The following ASXL1 variants were observed in gnomAD, a reference collection of about 807,000 sequenced individuals.
ASXL1 encodes the protein ASXL transcriptional regulator 1.
In ASXL1, 65 loss-of-function variants were observed where a neutral mutation model predicts 89.1. The ratio of observed to expected loss-of-function variants is 0.73; its 90% CI spans 0.60 to 0.90. The LOEUF (loss-of-function observed/expected upper bound fraction) is 0.90, where lower values mean the gene tolerates loss of function less well. Ranked by LOEUF, ASXL1 falls within the 40% of genes least tolerant of loss-of-function variation. ASXL1 has a pLI of 0.00. For synonymous variants in ASXL1, 739 were observed against 746.9 expected, an observed-to-expected ratio of 0.99 and a Z score of 0.17; for missense variants, 1,786 against 1,942.9, an observed-to-expected ratio of 0.92 and a Z score of 1.52.
intron 4 of ASXL1, among the ~76,000 whole-genome samples, chr20:32,420,965 A>T (rs550015320): frequency 6.6e-6 from 1 of 151,814 alleles, no homozygotes; most frequent in Non-Finnish European, 1.5e-5. Context: ...AAACTAACAC[A>T]GGAACAGAAA....
rs904333640 is a variant in ASXL1 at position 32,439,006 on chromosome 20, A to G, written c.*1668A>G. The G allele has an allele frequency of 4.3e-6, 1 of 233,676 alleles. No homozygotes were observed. Among genetic ancestry groups the G allele is most frequent in the East Asian group, 6.0e-5 (1 of 16,596 alleles). The allele number at this position is 233,676 out of a possible 1,614,324, so 14.5% of individuals were successfully genotyped here. A position where few individuals can be genotyped will look rare whatever the true frequency, so the allele number is the denominator to read the frequency against. On this transcript the variant is annotated 3_prime_UTR_variant, in exon 13 of 13. Coordinates refer to ENST00000375687, the MANE Select transcript of ASXL1 (RefSeq NM_015338.6). ...TTTGTATGACTTCAAGTCTCATTTT[A>G]TCTGAAAGGTTTTTTTCTCATTTAA... is the stretch of plus-strand genomic sequence containing the variant.
intron 1 of ASXL1, among the ~76,000 whole-genome samples, chr20:32,364,526 T>C (rs1018762017): frequency 6.6e-6 from 1 of 152,150 alleles, no homozygotes; most frequent in Non-Finnish European, 1.5e-5. Flanking sequence ...CCATATATAT[T>C]TTTTAAATTC....
chr20:32,408,882 C>T (rs911900036), intron 4 of ASXL1, among the ~76,000 whole-genome samples: 8 of 151,984 alleles, frequency 5.3e-5, no homozygotes, highest in Admixed American at 2.6e-4. Flanking sequence ...TTATTATCAT[C>T]TTTAATTTTT....
In ASXL1 at chr20:32,428,511, A is replaced by T. The variant is rs3818190; in HGVS notation, c.471+89A>T. 7.2e-6 allele frequency: 9 copies of T among 1,249,412 alleles called. No homozygotes were observed. In the Admixed American group the frequency reaches 1.2e-4, roughly 17 times the overall value. The allele number at this position is 1,249,412 out of a possible 1,614,324, so 77.4% of individuals were successfully genotyped here. On this transcript the variant is annotated intron_variant, in intron 6 of 12. Transcript: ENST00000375687. ...CCTTCTCCTGTAGTGAGCTGTGAAC[A>T]TGTTCAGAGAGTGAAGAATAGAAGT...
rs558700545 is a variant in ASXL1, at chr20:32,364,672, A to G, written c.58-1712A>G. ...TCCTGCCTCAGTCTCAGCTGAGACT[A>G]TAGGTGTGCACCACCGTGCCTGGCC... is the stretch of plus-strand genomic sequence containing the variant. On this transcript the variant is annotated intron_variant, in intron 1 of 12. Coordinates refer to ENST00000375687, the MANE Select transcript of ASXL1 (RefSeq NM_015338.6). Among the ~76,000 whole-genome samples the G allele has an allele frequency of 3.9e-5, 6 of 152,336 alleles. No individual in the cohort carries two copies. The South Asian group carries it at 6.2e-4, about 16-fold the overall frequency.
rs868083458 is a variant in ASXL1, at chr20:32,358,707, C to T, written c.-69C>T. The T allele has an allele frequency of 7.0e-6, 7 of 1,001,532 alleles. No homozygotes were observed. The highest frequency in any genetic ancestry group is 9.4e-6 in the Non-Finnish European group (7 of 744,862). The allele number at this position is 1,001,532 out of a possible 1,614,324, so 62.0% of individuals were successfully genotyped here. A position where few individuals can be genotyped will look rare whatever the true frequency, so the allele number is the denominator to read the frequency against. On this transcript the variant is annotated 5_prime_UTR_variant, in exon 1 of 13. Transcript: ENST00000375687. ...CCCACCGCCGCCGCCGCCCCAGCCCCGCGCCACCGCCCCAGCCCGCCCAGC... is the reference window on the plus strand; with the variant it reads ...CCCACCGCCGCCGCCGCCCCAGCCCTGCGCCACCGCCCCAGCCCGCCCAGC...
rs903319727 is a variant in ASXL1, at chr20:32,437,438, T to C, written c.*100T>C. On this transcript the variant is annotated 3_prime_UTR_variant, in exon 13 of 13. Coordinates refer to ENST00000375687, the MANE Select transcript of ASXL1 (RefSeq NM_015338.6). ...AGAATATCATTGATATAATACTCTTTAGGCAGGAGCACTCTTGCCTTCCCC... is the reference window on the plus strand; with the variant it reads ...AGAATATCATTGATATAATACTCTTCAGGCAGGAGCACTCTTGCCTTCCCC... 1 of 1,548,054 alleles carries C rather than the reference T, an allele frequency of 6.5e-7. No homozygotes were observed. Among genetic ancestry groups the C allele is most frequent in the Non-Finnish European group, 8.9e-7 (1 of 1,124,604 alleles).
intron 4 of ASXL1, 104 bp from the exon 5 acceptor site, chr20:32,428,024 A>G: frequency 6.5e-7 from 1 of 1,528,714 alleles, no homozygotes; most frequent in Non-Finnish European, 9.0e-7. Flanking sequence ...ACTTGTCAGT[A>G]TTCTAAATCC....
At chr20:32,373,349 C>G (rs879536857) in intron 4 of ASXL1, among the ~76,000 whole-genome samples, 1 of 151,940 alleles carries the variant, frequency 6.6e-6, no homozygotes, top group African/African-American at 2.4e-5. Flanking sequence ...TGCACTCCAG[C>G]CTGGGCAACA....
At position 32,435,583 on chromosome 20, in the gene ASXL1, T is replaced by C. The variant is rs758282773; in HGVS notation, c.2871T>C (p.Thr957=). ...EEGLDPLDSL[T]SLWTVPSRGG... ...GTCTAGATCCTCTTGACAGCCTTACTTCACTCTGGACTGTGCCATCTCGAG... is the reference window on the plus strand; with the variant it reads ...GTCTAGATCCTCTTGACAGCCTTACCTCACTCTGGACTGTGCCATCTCGAG... Residue 957 remains threonine, a synonymous_variant, in exon 13 of 13, where the codon ACT becomes ACC. Coordinates refer to ENST00000375687, the MANE Select transcript of ASXL1 (RefSeq NM_015338.6). 1 of 1,614,006 alleles carries C rather than the reference T, an allele frequency of 6.2e-7. No individual in the cohort carries two copies. Among genetic ancestry groups the C allele is most frequent in the Non-Finnish European group, 8.5e-7 (1 of 1,180,042 alleles).
At chr20:32,403,269 T>C (rs1366472805) in intron 4 of ASXL1, among the ~76,000 whole-genome samples, 3 of 152,210 alleles carry the variant, frequency 2.0e-5, no homozygotes, top group Non-Finnish European at 4.4e-5. Context: ...TCTGTTCCTC[T>C]GTCAATACCG....
intron 4 of ASXL1, among the ~76,000 whole-genome samples, chr20:32,408,135 G>T (rs1331526476): frequency 6.6e-6 from 1 of 151,992 alleles, no homozygotes; most frequent in Non-Finnish European, 1.5e-5. Flanking sequence ...GTTTTACCAT[G>T]TTTGCCAGCC....
At chr20:32,386,870 T>C (rs190102581) in intron 4 of ASXL1, among the ~76,000 whole-genome samples, 1 of 152,032 alleles carries the variant, frequency 6.6e-6, no homozygotes, top group Non-Finnish European at 1.5e-5. Context: ...ATGTGGGTCT[T>C]TTCTCGCCCT....
chr20:32,375,026 A>G (rs1258751439), intron 4 of ASXL1, among the ~76,000 whole-genome samples: 2 of 152,112 alleles, frequency 1.3e-5, no homozygotes, highest in Non-Finnish European at 2.9e-5. Context: ...TCGAGGGGAC[A>G]TATCTGGTCA....
Position 32,435,950 on chromosome 20 carries a change from C to T in ASXL1, c.3238C>T (p.Leu1080=), listed in dbSNP as rs1475879168. 6.2e-7 allele frequency: 1 copy of T among 1,614,182 alleles called. No homozygotes were observed. ...GGTCCGCCAAAAGATCCCAGATTCC[C>T]TACTGCTGGCCAGTACTGAGTACCA... ...CAVRQKIPDS[L]LLASTEYQPR... Residue 1080 remains leucine (L), a synonymous_variant, in exon 13 of 13, where the codon CTA becomes TTA. Transcript: ENST00000375687.
intron 4 of ASXL1, chr20:32,372,149 A>C (rs1447871155): frequency 7.4e-7 from 1 of 1,348,438 alleles, no homozygotes; most frequent in Non-Finnish European, 9.9e-7. Context: ...ATATTTCTTC[A>C]TCTTAATTTT....
At position 32,436,861 on chromosome 20, in the gene ASXL1, G is replaced by C. The variant is rs1288855568; in HGVS notation, c.4149G>C (p.Glu1383Asp). The C allele has an allele frequency of 6.2e-7, 1 of 1,614,086 alleles. No homozygotes were observed. ...FVGGPLKANA[E>D]NRKATGHSPL... ...GGGGTCCTCTTAAGGCAAATGCCGAGAACAGGAAAGCTACTGGGCATAGTC... is the reference window on the plus strand; with the variant it reads ...GGGGTCCTCTTAAGGCAAATGCCGACAACAGGAAAGCTACTGGGCATAGTC... The change falls in exon 13 of 13, where the codon GAG (glutamate) becomes GAC (aspartate). Residue 1383 changes from glutamate to aspartate, a missense_variant. Glu to Asp is a conservative substitution (Grantham distance 45). Around this residue, in one of 3 missense-constraint regions of ASXL1, gnomAD observed 1,418 missense variants for 1,427.8 expected, o/e 0.99. Transcript: ENST00000375687.
intron 3 of ASXL1, among the ~76,000 whole-genome samples, chr20:32,367,941 A>G (rs1000273798): frequency 5.3e-5 from 8 of 151,958 alleles, no homozygotes; most frequent in Admixed American, 1.3e-4. Flanking sequence ...CCCACTTGAT[A>G]CTCCAGATTT....
At chr20:32,359,455 G>C in intron 1 of ASXL1, 2 of 695,650 alleles carry the variant, frequency 2.9e-6, no homozygotes, top group South Asian at 3.0e-5. Flanking sequence ...AGGGCCCTTC[G>C]TAAGACCTGC....
Sources: gnomAD v4.1 joint callset for allele counts (sites outside exome capture counted in the v4.1 genomes callset) on GRCh38, gnomAD v4.1.1 for gene constraint, gnomAD v4.1.1 regional missense constraint, MANE v1.5 for transcripts, NCBI Gene and HGNC (gene_info 2026-07-23, HGNC 2026-07-21) for gene names.